The following TMEM132C variants were observed in gnomAD, a reference collection of about 807,000 sequenced individuals.
TMEM132C encodes the protein transmembrane protein 132C.
In TMEM132C, 29 loss-of-function variants were observed where a neutral mutation model predicts 61.4. The observed-to-expected ratio is 0.47, with a 90% CI of 0.35 to 0.64. TMEM132C has a LOEUF of 0.64. TMEM132C is among the 30% of genes least tolerant of loss of function. The pLI is 0.00. For missense variants in TMEM132C, 1,408 were observed against 1,476.9 expected (o/e 0.95, Z 0.76); for synonymous variants, 656 against 633.1 (o/e 1.04, Z -0.54).
rs185723558 is a variant in TMEM132C, at chr12:128,697,728, A to G, written c.2121+313A>G. Among the ~76,000 whole-genome samples the G allele has an allele frequency of 3.5e-3, 535 of 152,250 alleles. 4 individuals carry two copies. The highest frequency in any genetic ancestry group is 5.7e-3 in the Non-Finnish European group (388 of 68,006). The stretch of plus-strand genomic sequence containing the variant: ...CCTTTTACTGGCTTAAAATGCTCCA[A>G]TGACTTCCCATTGCACTTAGAAAGA... On this transcript the variant is annotated intron_variant, in intron 8 of 8. Coordinates refer to ENST00000435159, the MANE Select transcript of TMEM132C (RefSeq NM_001136103.3).
intron 2 of TMEM132C, among the ~76,000 whole-genome samples, chr12:128,482,721 A>G (rs912521376): frequency 2.0e-5 from 3 of 152,002 alleles, no homozygotes; most frequent in Admixed American, 2.0e-4. Context: ...GTGTCCAGGA[A>G]TTTATCCATT....
At chr12:128,501,433 C>A (rs1402140958) in intron 2 of TMEM132C, among the ~76,000 whole-genome samples, 1 of 152,214 alleles carries the variant, frequency 6.6e-6, no homozygotes, top group Non-Finnish European at 1.5e-5. Context: ...AATCCAAATT[C>A]ATCATAGCTC....
chr12:128,275,105 G>A (rs913294126), intron 1 of TMEM132C, among the ~76,000 whole-genome samples: 6 of 152,156 alleles, frequency 3.9e-5, no homozygotes, highest in Non-Finnish European at 7.3e-5. Flanking sequence ...AGTGTATGTA[G>A]TGAAAAAATA....
At chr12:128,433,813 A>C (rs1869481377) in intron 2 of TMEM132C, among the ~76,000 whole-genome samples, 2 of 152,264 alleles carry the variant, frequency 1.3e-5, no homozygotes, top group Non-Finnish European at 2.9e-5. Context: ...ATGGAAGGAC[A>C]GTAGTGGGAA....
At chr12:128,595,100 G>C (rs540126285) in intron 3 of TMEM132C, among the ~76,000 whole-genome samples, 87 of 152,290 alleles carry the variant, frequency 5.7e-4, no homozygotes, top group African/African-American at 1.9e-3. Context: ...CTGCTCTCCG[G>C]AGAACAGTGC....
chr12:128,325,826 C>T (rs1352728618), intron 1 of TMEM132C, among the ~76,000 whole-genome samples: 1 of 152,086 alleles, frequency 6.6e-6, no homozygotes, highest in Non-Finnish European at 1.5e-5. Context: ...GTCAGGCTGC[C>T]CTCCCAGTAA....
At chr12:128,491,300 G>C (rs1455169208) in intron 2 of TMEM132C, among the ~76,000 whole-genome samples, 2 of 152,162 alleles carry the variant, frequency 1.3e-5, no homozygotes, top group Non-Finnish European at 2.9e-5. Context: ...ATAGCGTTGA[G>C]GTTGATGGAT....
At chr12:128,468,440 C>T (rs1195178014) in intron 2 of TMEM132C, among the ~76,000 whole-genome samples, 1 of 152,154 alleles carries the variant, frequency 6.6e-6, no homozygotes, top group Non-Finnish European at 1.5e-5. Context: ...GCCTCAGCCT[C>T]CCAAGTAGCT....
At chr12:128,311,427 A>G (rs1202398953) in intron 1 of TMEM132C, among the ~76,000 whole-genome samples, 2 of 152,212 alleles carry the variant, frequency 1.3e-5, no homozygotes, top group African/African-American at 4.8e-5. Context: ...CAGGGGACTG[A>G]TGCTGTGGCC....
At chr12:128,561,214 T>C (rs935418878) in intron 3 of TMEM132C, among the ~76,000 whole-genome samples, 5 of 152,250 alleles carry the variant, frequency 3.3e-5, no homozygotes, top group African/African-American at 1.2e-4. Context: ...CTGCTGGACA[T>C]ATAGACATTT....
Position 128,344,200 on chromosome 12 carries a change from C to T in TMEM132C, c.86-70532C>T, listed in dbSNP as rs144827579. On this transcript the variant is annotated intron_variant, in intron 1 of 8. Transcript: ENST00000435159. ...TGAGACGGAGTCTTGCTCTGTTGCC[C>T]AGGCTGGAGTGCCGTGGCGCAATCT... is the stretch of plus-strand genomic sequence containing the variant. Among the ~76,000 whole-genome samples, 114 of 152,134 alleles carry T rather than the reference C, an allele frequency of 7.5e-4. 1 individual carries two copies. In the East Asian group the frequency reaches 0.021, roughly 28 times the overall value.
intron 1 of TMEM132C, among the ~76,000 whole-genome samples, chr12:128,315,026 G>A (rs1361991955): frequency 6.6e-6 from 1 of 152,188 alleles, no homozygotes; most frequent in African/African-American, 2.4e-5. Context: ...AAACATTAAA[G>A]CAGGCAATAT....
At chr12:128,686,460 G>C (rs888361193) in intron 5 of TMEM132C, among the ~76,000 whole-genome samples, 1 of 152,192 alleles carries the variant, frequency 6.6e-6, no homozygotes, top group Non-Finnish European at 1.5e-5. Context: ...GGGCATGGTG[G>C]TGTGTGCCTG....
At chr12:128,419,301 G>C (rs1023737925) in intron 2 of TMEM132C, among the ~76,000 whole-genome samples, 1 of 152,176 alleles carries the variant, frequency 6.6e-6, no homozygotes, top group Non-Finnish European at 1.5e-5. Context: ...CCTCAAGCCA[G>C]CTGGCAAAGA....
At chr12:128,444,386 C>T (rs1403619372) in intron 2 of TMEM132C, among the ~76,000 whole-genome samples, 4 of 152,204 alleles carry the variant, frequency 2.6e-5, no homozygotes, top group Admixed American at 2.6e-4. Context: ...GTGCTTCTCC[C>T]CAGGTGGAAG....
Position 128,570,589 on chromosome 12 carries a change from G to T in TMEM132C, c.1121+26486G>T, listed in dbSNP as rs1191235049. Among the ~76,000 whole-genome samples the T allele has an allele frequency of 4.6e-5, 7 of 152,070 alleles. No individual in the cohort carries two copies. Among genetic ancestry groups the T allele is most frequent in the African/African-American group, 1.4e-4 (6 of 41,382 alleles). ...CTCAGCATGAAGTTCAGAGGCTAGG[G>T]TTAGGCTGTGGCTGGCTCAGTGTCT... On this transcript the variant is annotated intron_variant, in intron 3 of 8. Coordinates refer to ENST00000435159, the MANE Select transcript of TMEM132C (RefSeq NM_001136103.3). This position sits in a 1 kb window ranked among gnomAD's most constrained non-coding sequence, Gnocchi z 4.7.
intron 2 of TMEM132C, among the ~76,000 whole-genome samples, chr12:128,514,623 A>G (rs1025672038): frequency 9.2e-5 from 14 of 152,146 alleles, no homozygotes; most frequent in Admixed American, 8.5e-4. Flanking sequence ...AAGAGTTGAT[A>G]TGTTGTTTAT....
intron 2 of TMEM132C, among the ~76,000 whole-genome samples, chr12:128,525,860 A>C (rs1669116572): frequency 6.6e-6 from 1 of 152,188 alleles, no homozygotes; most frequent in South Asian, 2.1e-4. Context: ...GGCATCAAAG[A>C]GGCCTGAATT....
intron 1 of TMEM132C, among the ~76,000 whole-genome samples, chr12:128,375,756 A>C (rs1052414463): frequency 6.6e-5 from 10 of 152,126 alleles, no homozygotes; most frequent in African/African-American, 2.4e-4. Context: ...ATGAAACCCA[A>C]GGGAAGTGTG....
Sources: gnomAD v4.1 joint callset for allele counts (sites outside exome capture counted in the v4.1 genomes callset) on GRCh38, gnomAD v4.1.1 for gene constraint, Gnocchi (gnomAD v3.1) non-coding constraint, MANE v1.5 for transcripts, NCBI Gene and HGNC (gene_info 2026-07-23, HGNC 2026-07-21) for gene names.